DCHS2: variants seen among roughly 807,000 people sequenced by gnomAD.
The protein encoded by DCHS2 is protocadherin-23.
A neutral mutation model predicts 182.4 loss-of-function variants in DCHS2; 142 were observed. The ratio of observed to expected loss-of-function variants is 0.78; its 90% CI spans 0.68 to 0.89. The LOEUF (loss-of-function observed/expected upper bound fraction) is 0.89. Ranked by LOEUF, DCHS2 falls within the 40% of genes least tolerant of loss-of-function variation. The probability of loss-of-function intolerance (pLI) is 0.00; values close to 1 mark genes in which losing one functional copy is unlikely to be tolerated. For missense variants in DCHS2, 4,319 were observed against 4,198.6 expected, an observed-to-expected ratio of 1.03 and a Z score of -0.79; for synonymous variants, 1,740 against 1,663.3, an observed-to-expected ratio of 1.05 and a Z score of -1.12.
chr4:154,478,415 A>G (rs1735775729), intron 1 of DCHS2, among the ~76,000 whole-genome samples: 1 of 152,206 alleles, frequency 6.6e-6, no homozygotes, highest in East Asian at 1.9e-4. Context: ...GGTGAGTAAA[A>G]GCATTCAACT....
chr4:154,421,160 T>C (rs1010711639), intron 1 of DCHS2, among the ~76,000 whole-genome samples: 1 of 152,198 alleles, frequency 6.6e-6, no homozygotes, highest in African/African-American at 2.4e-5. Flanking sequence ...TATGGAACTT[T>C]AGCTACATAG....
intron 2 of DCHS2, 146 bp from the exon 3 acceptor site, chr4:154,366,587 T>C (rs144242535): frequency 3.2e-6 from 2 of 630,192 alleles, no homozygotes; most frequent in Non-Finnish European, 5.7e-6. Context: ...TATACACATA[T>C]ACACACACCC....
At chr4:154,308,265 A>C (rs1470827707) in intron 10 of DCHS2, among the ~76,000 whole-genome samples, 1 of 151,850 alleles carries the variant, frequency 6.6e-6, no homozygotes, top group African/African-American at 2.4e-5. Flanking sequence ...AAAAAAAAAA[A>C]CAAAAAACAA....
intron 3 of DCHS2, among the ~76,000 whole-genome samples, chr4:154,348,752 C>T (rs1481950693): frequency 6.6e-6 from 1 of 151,862 alleles, no homozygotes; most frequent in Non-Finnish European, 1.5e-5. Flanking sequence ...AGAAACTAAT[C>T]CTGTTGACAC....
intron 13 of DCHS2, among the ~76,000 whole-genome samples, chr4:154,275,751 T>C (rs1313320587): frequency 6.6e-6 from 1 of 152,292 alleles, no homozygotes; most frequent in Non-Finnish European, 1.5e-5. Flanking sequence ...ACGGCCTTTT[T>C]TTCATGGGTT....
At chr4:154,277,852 C>A (rs983134891) in intron 13 of DCHS2, among the ~76,000 whole-genome samples, 3 of 151,884 alleles carry the variant, frequency 2.0e-5, no homozygotes, top group Non-Finnish European at 4.4e-5. Context: ...ACCAGCCTGG[C>A]CAACATGGTG....
At chr4:154,314,166 T>C (rs1020337412) in intron 10 of DCHS2, among the ~76,000 whole-genome samples, 2 of 152,188 alleles carry the variant, frequency 1.3e-5, no homozygotes, top group Non-Finnish European at 2.9e-5. Flanking sequence ...TTACATACCT[T>C]ACTGTTTGCA....
intron 1 of DCHS2, among the ~76,000 whole-genome samples, chr4:154,425,475 GC>G (rs1393360552): frequency 6.6e-6 from 1 of 152,188 alleles, no homozygotes; most frequent in African/African-American, 2.4e-5. Context: ...CAAACTCACT[GC>G]CCTATTTAGA....
intron 1 of DCHS2, among the ~76,000 whole-genome samples, chr4:154,399,812 G>T (rs2110868208): frequency 6.6e-6 from 1 of 152,276 alleles, no homozygotes; most frequent in East Asian, 1.9e-4. Context: ...AGCATTTCAA[G>T]TTGCTTCAGA....
chr4:154,357,082 G>A (rs1579003273), intron 3 of DCHS2: 3 of 603,726 alleles, frequency 5.0e-6, no homozygotes, highest in South Asian at 2.3e-5. Flanking sequence ...CTTGACAAGC[G>A]CTAGTAAAAT....
rs79311758 is a variant in DCHS2, at chr4:154,403,704, C to T, written c.2053-26260G>A. ...GTCGCCCTATATTTTCTGAGTTTGT[C>T]TGACATTAGTACCAGTAAACTATTT... On this transcript the variant is annotated intron_variant, in intron 1 of 19. Transcript: ENST00000357232. 7.5e-3 allele frequency among the ~76,000 whole-genome samples: 1,147 copies of T among 152,236 alleles called. 7 individuals carry two copies. The highest frequency in any genetic ancestry group is 0.013 in the Non-Finnish European group (897 of 67,988).
intron 13 of DCHS2, among the ~76,000 whole-genome samples, chr4:154,280,183 A>G (rs183812681): frequency 9.1e-4 from 138 of 152,266 alleles, no homozygotes; most frequent in Non-Finnish European, 1.7e-3. Context: ...TCATGAATAA[A>G]TAGAAAATCT....
At chr4:154,296,093 A>G (rs1208458656) in intron 13 of DCHS2, among the ~76,000 whole-genome samples, 1 of 152,164 alleles carries the variant, frequency 6.6e-6, no homozygotes, top group Admixed American at 6.6e-5. Flanking sequence ...TGGCAAGTCA[A>G]TGAAATGCAT....
chr4:154,451,140 T>G (rs561191483), intron 1 of DCHS2, among the ~76,000 whole-genome samples: 1 of 152,328 alleles, frequency 6.6e-6, no homozygotes, highest in East Asian at 1.9e-4. Flanking sequence ...GCTCTGATTC[T>G]TGGGCCAAAG....
chr4:154,374,109 C>A, intron 2 of DCHS2: 2 of 631,110 alleles, frequency 3.2e-6, no homozygotes, highest in Non-Finnish European at 5.3e-6. Context: ...ACTTCTGGAG[C>A]ACTGTGCTTT....
intron 1 of DCHS2, among the ~76,000 whole-genome samples, chr4:154,412,748 GCATATAACAAATGTTCA>G (rs1732682964): frequency 1.3e-5 from 2 of 152,118 alleles, no homozygotes; most frequent in Non-Finnish European, 2.9e-5. Flanking sequence ...ATAGTATCTG[GCATATAACAAATGTTCA>G]CATAAGTGTT....
At chr4:154,478,100 A>G (rs1735761420) in intron 1 of DCHS2, among the ~76,000 whole-genome samples, 1 of 152,250 alleles carries the variant, frequency 6.6e-6, no homozygotes, top group African/African-American at 2.4e-5. Context: ...TAGTAACACT[A>G]GTTAATCCAA....
At chr4:154,391,395 T>C (rs1295832920) in intron 1 of DCHS2, 14 of 1,439,110 alleles carry the variant, frequency 9.7e-6, no homozygotes, top group Non-Finnish European at 1.3e-5. Flanking sequence ...AATACCTCCA[T>C]GACTTTCCAC....
chr4:154,297,872 C>T lies in DCHS2; in HGVS notation c.6442G>A (p.Val2148Met), dbSNP rs150634514. 96 of 1,609,570 alleles carry T rather than the reference C, an allele frequency of 6.0e-5. No homozygotes were observed. In the African/African-American group the frequency reaches 9.0e-4, roughly 15 times the overall value. Residue 2148 changes from valine (V) to methionine (M), a missense_variant, in exon 13 of 20, where the codon GTG becomes ATG. Physicochemically the swap from Val to Met is conservative, Grantham distance 21. Transcript: ENST00000357232. ...TCACCTGCCTCACAATTTTCAGTCACGAGCCCTTTATACAGGTGGTGGCTG... is the reference window on the plus strand; with the variant it reads ...TCACCTGCCTCACAATTTTCAGTCATGAGCCCTTTATACAGGTGGTGGCTG... ...SFSHHLYKGL[V>M]TENCEAGTSI...
Sources: gnomAD v4.1 joint callset for allele counts (sites outside exome capture counted in the v4.1 genomes callset) on GRCh38, gnomAD v4.1.1 for gene constraint, MANE v1.5 for transcripts, NCBI Gene and HGNC (gene_info 2026-07-23, HGNC 2026-07-21) for gene names.